The following VEPH1 variants were observed in gnomAD, a reference collection of about 807,000 sequenced individuals.
The protein encoded by VEPH1 is ventricular zone-expressed PH domain-containing protein homolog 1.
A neutral mutation model predicts 85.2 loss-of-function variants in VEPH1; 80 were observed. That is an observed-to-expected ratio of 0.94 (90% CI 0.78 to 1.13). The LOEUF (loss-of-function observed/expected upper bound fraction) is 1.13. VEPH1 is among the 50% of genes most tolerant of loss of function. The pLI is 0.00. For missense variants in VEPH1, 955 were observed against 980.5 expected (o/e 0.97, Z 0.35); for synonymous variants, 297 against 348.0 (o/e 0.85, Z 1.63).
At chr3:157,426,647 C>A (rs565599479) in intron 5 of VEPH1, among the ~76,000 whole-genome samples, 2 of 152,162 alleles carry the variant, frequency 1.3e-5, no homozygotes, top group South Asian at 2.1e-4. Context: ...GAAAAATGAA[C>A]CTTTGCTGTC....
At chr3:157,498,081 A>G (rs2109775573) in intron 1 of VEPH1, among the ~76,000 whole-genome samples, 1 of 152,342 alleles carries the variant, frequency 6.6e-6, no homozygotes, top group South Asian at 2.1e-4. Flanking sequence ...GAAGATGATA[A>G]TGAATAGCTT....
At chr3:157,293,739 G>A (rs1413706362) in intron 11 of VEPH1, among the ~76,000 whole-genome samples, 3 of 152,162 alleles carry the variant, frequency 2.0e-5, no homozygotes, top group African/African-American at 7.2e-5. Context: ...AGAAAATAAA[G>A]GTGGCAAATT....
chr3:157,289,343 G>T (rs1473382220), intron 11 of VEPH1, among the ~76,000 whole-genome samples: 4 of 152,200 alleles, frequency 2.6e-5, no homozygotes, highest in Non-Finnish European at 5.9e-5. Context: ...TTGGAAAAAA[G>T]TTTAAACGTT....
intron 6 of VEPH1, among the ~76,000 whole-genome samples, chr3:157,401,584 G>A (rs896646112): frequency 6.6e-5 from 10 of 152,034 alleles, no homozygotes; most frequent in African/African-American, 2.4e-4. Flanking sequence ...AGAATAAAAT[G>A]GAAAAATGCA....
intron 12 of VEPH1, among the ~76,000 whole-genome samples, chr3:157,277,492 T>C (rs1467943187): frequency 1.3e-5 from 2 of 152,192 alleles, no homozygotes; most frequent in South Asian, 2.1e-4. Flanking sequence ...TGCCTGTAAA[T>C]TCTTGTATTC....
intron 4 of VEPH1, among the ~76,000 whole-genome samples, chr3:157,441,671 G>A (rs112325302): frequency 1.2e-4 from 19 of 152,102 alleles, no homozygotes; most frequent in Non-Finnish European, 2.2e-4. Context: ...TTAGCTGGGC[G>A]CAGTGGTGTG....
chr3:157,431,913 T>C (rs927193290), intron 4 of VEPH1, among the ~76,000 whole-genome samples: 1 of 151,932 alleles, frequency 6.6e-6, no homozygotes, highest in African/African-American at 2.4e-5. Context: ...AGTGGCGTGA[T>C]CTTGGCTCAC....
At chr3:157,499,417 G>T (rs1269440921) in intron 1 of VEPH1, 1 of 152,138 alleles carries the variant, frequency 6.6e-6, no homozygotes, top group Non-Finnish European at 1.5e-5. Flanking sequence ...CCTCAAAGGC[G>T]CCCTTGCAGT....
At chr3:157,487,934 C>G (rs1041861801) in intron 2 of VEPH1, among the ~76,000 whole-genome samples, 1 of 152,052 alleles carries the variant, frequency 6.6e-6, no homozygotes, top group Non-Finnish European at 1.5e-5. Context: ...AAACATTATG[C>G]TTACACTGAA....
chr3:157,486,692 A>G (rs1256610966), intron 2 of VEPH1, among the ~76,000 whole-genome samples: 1 of 152,148 alleles, frequency 6.6e-6, no homozygotes, highest in Non-Finnish European at 1.5e-5. Flanking sequence ...AAATATATTA[A>G]TGTGAAAAGC....
intron 6 of VEPH1, among the ~76,000 whole-genome samples, chr3:157,389,127 G>A (rs1375128222): frequency 6.6e-6 from 1 of 152,110 alleles, no homozygotes; most frequent in Non-Finnish European, 1.5e-5. Context: ...TTATATGTGT[G>A]TTTCTGTTTA....
chr3:157,464,471 A>C (rs16827681), intron 3 of VEPH1, among the ~76,000 whole-genome samples: 5,812 of 152,306 alleles, frequency 0.038, 372 homozygotes, highest in African/African-American at 0.13. Context: ...GAGCCTATGA[A>C]AGACCTTGCT....
At chr3:157,437,885 G>C (rs1330454117) in intron 4 of VEPH1, 1 of 1,519,680 alleles carries the variant, frequency 6.6e-7, no homozygotes, top group African/African-American at 1.4e-5. Context: ...GCGGTGCAGG[G>C]CTGGGCTGCC....
chr3:157,369,652 T>C (rs1727265634), intron 7 of VEPH1, among the ~76,000 whole-genome samples: 1 of 152,182 alleles, frequency 6.6e-6, no homozygotes, highest in South Asian at 2.1e-4. Context: ...TCAATTCCAA[T>C]AAATTGGAAG....
At chr3:157,448,340 TG>T (rs1162809848) in intron 4 of VEPH1, among the ~76,000 whole-genome samples, 1 of 152,220 alleles carries the variant, frequency 6.6e-6, no homozygotes, top group Non-Finnish European at 1.5e-5. Flanking sequence ...AGTCGTTTTG[TG>T]ACTTGTGCCA....
At chr3:157,464,088 A>C (rs1736141293) in intron 3 of VEPH1, among the ~76,000 whole-genome samples, 1 of 152,180 alleles carries the variant, frequency 6.6e-6, no homozygotes, top group African/African-American at 2.4e-5. Flanking sequence ...TAGAAAAGCT[A>C]ATTGATTTGG....
chr3:157,309,964 G>T (rs1323760767), intron 11 of VEPH1, among the ~76,000 whole-genome samples: 1 of 152,086 alleles, frequency 6.6e-6, no homozygotes, highest in African/African-American at 2.4e-5. Context: ...ATTTTTAGTA[G>T]AGACGGGGTT....
chr3:157,288,797 T>G (rs1717107225), intron 11 of VEPH1, among the ~76,000 whole-genome samples: 1 of 152,124 alleles, frequency 6.6e-6, no homozygotes. Flanking sequence ...GGCCTAGAAA[T>G]GGATACTTTT....
At chr3:157,491,531 A>G (rs1739210687) in intron 2 of VEPH1, among the ~76,000 whole-genome samples, 2 of 152,298 alleles carry the variant, frequency 1.3e-5, no homozygotes, top group South Asian at 4.1e-4. Context: ...AACATTTCAT[A>G]GTAGTATTTT....
Sources: gnomAD v4.1 joint callset for allele counts (sites outside exome capture counted in the v4.1 genomes callset) on GRCh38, gnomAD v4.1.1 for gene constraint, MANE v1.5 for transcripts, NCBI Gene and HGNC (gene_info 2026-07-23, HGNC 2026-07-21) for gene names.